The following PPIL2 variants were observed in gnomAD, a reference collection of about 807,000 sequenced individuals.
The protein encoded by PPIL2 is peptidylprolyl isomerase like 2.
In PPIL2, 50 loss-of-function variants were observed where a neutral mutation model predicts 75.2. The observed-to-expected ratio is 0.66, with a 90% CI of 0.53 to 0.84. The LOEUF (loss-of-function observed/expected upper bound fraction) is 0.84. PPIL2 is among the 40% of genes least tolerant of loss of function. The pLI is 0.00. For missense variants in PPIL2, 590 were observed against 685.0 expected, an observed-to-expected ratio of 0.86 and a Z score of 1.55; for synonymous variants, 245 against 258.8, an observed-to-expected ratio of 0.95 and a Z score of 0.51.
intron 1 of PPIL2, among the ~76,000 whole-genome samples, chr22:21,667,694 C>T (rs2066447721): frequency 6.6e-6 from 1 of 151,810 alleles, no homozygotes; most frequent in African/African-American, 2.4e-5. Context: ...CATCTATAAG[C>T]TGCTTTCCCC....
chr22:21,685,967 C>G (rs532520302), intron 10 of PPIL2, among the ~76,000 whole-genome samples: 1 of 150,986 alleles, frequency 6.6e-6, no homozygotes, highest in African/African-American at 2.4e-5. Context: ...GCCAGGAGAT[C>G]AAGACTAGGT....
At chr22:21,676,978 C>T (rs777598188) in intron 6 of PPIL2, among the ~76,000 whole-genome samples, 1 of 148,376 alleles carries the variant, frequency 6.7e-6, no homozygotes, top group Non-Finnish European at 1.5e-5. Context: ...GGCGGCCAGG[C>T]GGGGGCTGCC....
intron 1 of PPIL2, among the ~76,000 whole-genome samples, chr22:21,667,764 AATTTT>A (rs1300353465): frequency 3.1e-4 from 38 of 120,898 alleles, no homozygotes; most frequent in African/African-American, 7.3e-4. Flanking sequence ...AGACATCTCA[AATTTT>A]TTTTTTTTTT....
At chr22:21,698,479 C>T (rs1351384667), downstream of PPIL2, 2 of 152,356 alleles carry the variant, frequency 1.3e-5, no homozygotes, top group Admixed American at 6.5e-5. Flanking sequence ...TTGAGTCACT[C>T]AGGACTTGGC....
At chr22:21,684,240 C>G (rs1323548959) in intron 9 of PPIL2, among the ~76,000 whole-genome samples, 8 of 148,082 alleles carry the variant, frequency 5.4e-5, no homozygotes, top group Non-Finnish European at 8.9e-5. Flanking sequence ...CGCCTGTAAT[C>G]CCAGCACTTT....
At position 21,696,116 on chromosome 22, in the gene PPIL2, T is replaced by G; in HGVS notation, c.*626T>G. On this transcript the variant is annotated 3_prime_UTR_variant, in exon 20 of 20. Transcript: ENST00000398831. ...TTTCAGACCCCAGACTTACTGAGCC[T>G]AAGCCTCTGCAGGGTGGGCTTCTCG... The G allele has an allele frequency of 1.0e-6, 1 of 991,004 alleles. No individual in the cohort carries two copies. 61.4% of individuals were successfully genotyped at this position (991,004 alleles called of 1,614,324 possible). A position where few individuals can be genotyped will look rare whatever the true frequency, so the allele number is the denominator to read the frequency against.
In PPIL2 at chr22:21,697,156, T is replaced by TCAGA. The variant is rs2067970448; in HGVS notation, c.*1669_*1672dup. The TCAGA allele has an allele frequency of 7.2e-6, 5 of 698,590 alleles. No homozygotes were observed. In the South Asian group the frequency reaches 9.4e-5, roughly 13 times the overall value. 43.3% of individuals were successfully genotyped at this position (698,590 alleles called of 1,614,324 possible). On this transcript the variant is annotated 3_prime_UTR_variant, in exon 20 of 20. Transcript: ENST00000398831. ...TGGCAGTAACTGGCTTGTAAGAGGC[T>TCAGA]CAGACACCAAGCTGGGCCTGCAGAG...
chr22:21,683,939 G>A (rs958319111), intron 9 of PPIL2, among the ~76,000 whole-genome samples: 2 of 152,222 alleles, frequency 1.3e-5, no homozygotes, highest in African/African-American at 2.4e-5. Flanking sequence ...TGGGTGTGGT[G>A]GCTTATGCCT....
At chr22:21,677,706 G>A (rs1359832340) in intron 6 of PPIL2, among the ~76,000 whole-genome samples, 2 of 152,196 alleles carry the variant, frequency 1.3e-5, no homozygotes, top group Admixed American at 6.5e-5. Context: ...AGCGGGAGAG[G>A]GAGAGGGAGG....
chr22:21,692,161 T>TC (rs1262575913), intron 15 of PPIL2, among the ~76,000 whole-genome samples: 2 of 151,844 alleles, frequency 1.3e-5, no homozygotes, highest in Non-Finnish European at 2.9e-5. Flanking sequence ...CAGTCTTTTT[T>TC]TTTTTTTTCT....
chr22:21,690,580 C>G (rs1204660485), intron 15 of PPIL2, among the ~76,000 whole-genome samples: 1 of 152,154 alleles, frequency 6.6e-6, no homozygotes, highest in Admixed American at 6.6e-5. Context: ...TCCTCAGTCC[C>G]TTAGTGGTCT....
chr22:21,673,920 C>T (rs995962519), intron 5 of PPIL2, among the ~76,000 whole-genome samples: 9 of 144,646 alleles, frequency 6.2e-5, no homozygotes, highest in Admixed American at 4.7e-4. Flanking sequence ...CTGGTGGTCT[C>T]CTCCACACCT....
intron 4 of PPIL2, among the ~76,000 whole-genome samples, chr22:21,671,965 C>T (rs1442448581): frequency 2.0e-5 from 3 of 151,978 alleles, no homozygotes; most frequent in African/African-American, 2.4e-5. Context: ...GTGGGAGGAT[C>T]GCTTGAGCCC....
Position 21,696,939 on chromosome 22 carries a change from A to AAT in PPIL2, c.*1450_*1451dup. The stretch of plus-strand genomic sequence containing the variant: ...GCCCCTCGTCACCCTGCTGCACACC[A>AAT]ATCTGTGGCCCTTCATCATGCTAAG... On this transcript the variant is annotated 3_prime_UTR_variant, in exon 20 of 20. Coordinates refer to ENST00000398831, the MANE Select transcript of PPIL2 (RefSeq NM_014337.4). The AAT allele has an allele frequency of 6.3e-7, 1 of 1,583,432 alleles. No homozygotes were observed. The highest frequency in any genetic ancestry group is 1.2e-5 in the South Asian group (1 of 86,052).
chr22:21,692,803 G>A (rs965222605), intron 15 of PPIL2, among the ~76,000 whole-genome samples: 1 of 151,418 alleles, frequency 6.6e-6, no homozygotes. Flanking sequence ...GCGGGCGCCT[G>A]TAGTCCCAGC....
At chr22:21,690,096 G>A (rs1379807106) in intron 15 of PPIL2, among the ~76,000 whole-genome samples, 1 of 152,094 alleles carries the variant, frequency 6.6e-6, no homozygotes, top group Non-Finnish European at 1.5e-5. Flanking sequence ...TAAAATCACA[G>A]GGATGGCCAG....
rs141045070 is a variant in PPIL2, at chr22:21,684,220, C to T, written c.554-533C>T. ...AGACCCTGTCTCAAAAGGCTGGGCG[C>T]GGTGGGTCACGCCTGTAATCCCAGC... On this transcript the variant is annotated intron_variant, in intron 9 of 19. Transcript: ENST00000398831. 8.4e-3 allele frequency among the ~76,000 whole-genome samples: 1,204 copies of T among 142,702 alleles called. 22 individuals carry two copies. The highest frequency in any genetic ancestry group is 0.03 in the African/African-American group (1,149 of 38,132). 93.6% of individuals were successfully genotyped at this position (142,702 alleles called of 152,430 possible).
chr22:21,685,045 C>G (rs948218244), intron 10 of PPIL2, 132 bp downstream of exon 10: 34 of 1,286,992 alleles, frequency 2.6e-5, no homozygotes, highest in Admixed American at 5.2e-5. Context: ...CAGGATCCCC[C>G]AGAGCTGTGG....
At chr22:21,691,688 CAA>C (rs60680575) in intron 15 of PPIL2, among the ~76,000 whole-genome samples, 5 of 133,946 alleles carry the variant, frequency 3.7e-5, no homozygotes, top group Non-Finnish European at 3.3e-5. Flanking sequence ...ACTCCGTCTC[CAA>C]AAAAAAAAAA....
Sources: allele counts gnomAD v4.1 joint callset (sites outside exome capture counted in the v4.1 genomes callset), GRCh38; gene constraint gnomAD v4.1.1; transcripts MANE v1.5; gene names NCBI Gene and HGNC (gene_info 2026-07-23, HGNC 2026-07-21).